The following PTPRB variants were observed in gnomAD, a reference collection of about 807,000 sequenced individuals.
The protein encoded by PTPRB is protein tyrosine phosphatase receptor type B.
PTPRB carries 97 observed loss-of-function variants against 238.1 expected under a neutral mutation model. That is an observed-to-expected ratio of 0.41 (90% confidence interval 0.35 to 0.48). The LOEUF is 0.48. Ranked by LOEUF, PTPRB falls within the 20% of genes least tolerant of loss-of-function variation. The pLI is 0.30. For missense variants in PTPRB, 2,292 were observed against 2,681.9 expected (o/e 0.85, Z 3.21); for synonymous variants, 970 against 995.4 (o/e 0.97, Z 0.48).
chr12:70,569,632 T>C (rs1413087025), intron 14 of PTPRB, 43 bp downstream of exon 14: 3 of 1,607,340 alleles, frequency 1.9e-6, no homozygotes, highest in Admixed American at 1.7e-5. Context: ...TGGAGAACCA[T>C]GAGGCATTCT....
Position 70,560,775 on chromosome 12 carries a change from G to A in PTPRB, c.4328C>T (p.Thr1443Met), listed in dbSNP as rs775652947. 2.2e-5 allele frequency: 36 copies of A among 1,613,794 alleles called. No homozygotes were observed. The highest frequency in any genetic ancestry group is 2.7e-5 in the African/African-American group (2 of 74,868). The change falls in exon 17 of 34, where the codon ACG becomes ATG. Residue 1443 changes from threonine (T) to methionine (M), a missense_variant. Transcript: ENST00000334414. The surrounding 1 kb of genome is among the most constrained non-coding windows in gnomAD (Gnocchi z 4.2). Reference sequence around the variant, plus strand: ...AACAAGGCCTTGAAACCGCCACTCCGTCAGGTCCTTGTCTTTCCAGTTTTC... The same window carrying A: ...AACAAGGCCTTGAAACCGCCACTCCATCAGGTCCTTGTCTTTCCAGTTTTC... ...KKENWKDKDL[T>M]EWRFQGLVPG...
intron 21 of PTPRB, among the ~76,000 whole-genome samples, chr12:70,550,900 T>C (rs12228642): frequency 6.6e-6 from 1 of 150,380 alleles, no homozygotes; most frequent in African/African-American, 2.4e-5. Flanking sequence ...TTTTTTTTTT[T>C]CTTTTTTATT....
intron 15 of PTPRB, 32 bp downstream of exon 15, chr12:70,566,403 T>C (rs776169723): frequency 2.5e-6 from 4 of 1,602,896 alleles, no homozygotes; most frequent in Admixed American, 1.7e-5. Flanking sequence ...ATTGGCAATA[T>C]GTGCTACAAA....
chr12:70,609,328 CG>C lies in PTPRB; in HGVS notation c.719del (p.Ala240GlyfsTer52). ...FSSTTEETGL[A>X]EPERCNFTLA... is the part of the protein sequence containing the mutation. ...GGGTGAAGTTACATCTCTCTGGCTC[CG>C]CCAGTCCAGTCTGCAAAGGAATCAG... is the stretch of plus-strand genomic sequence containing the variant. On this transcript the variant is annotated frameshift_variant, in exon 4 of 34. Transcript: ENST00000334414. LOFTEE classifies it high-confidence loss of function. 6.2e-7 allele frequency: 1 copy of C among 1,613,790 alleles called. No individual in the cohort carries two copies. The highest frequency in any genetic ancestry group is 1.1e-5 in the South Asian group (1 of 91,056).
intron 2 of PTPRB, among the ~76,000 whole-genome samples, chr12:70,632,427 G>A (rs897829204): frequency 3.3e-5 from 5 of 151,934 alleles, no homozygotes; most frequent in Non-Finnish European, 7.4e-5. Context: ...GGGTCCTGTC[G>A]GGGGGTGGGG....
In PTPRB at chr12:70,524,664, G is replaced by A. The variant is rs1217410903; in HGVS notation, c.6505-73C>T. 11 of 1,449,812 alleles carry A rather than the reference G, an allele frequency of 7.6e-6. No individual in the cohort carries two copies. In the East Asian group the frequency reaches 2.2e-4, roughly 29 times the overall value. 89.8% of individuals were successfully genotyped at this position (1,449,812 alleles called of 1,614,324 possible). A position where few individuals can be genotyped will look rare whatever the true frequency, so the allele number is the denominator to read the frequency against. On this transcript the variant is annotated intron_variant, in intron 32 of 33. Transcript: ENST00000334414. Reference sequence around the variant, plus strand: ...AAGAAAGATGAGAAACTCACAAACTGTTGACAATGATGGGATTATATAGTT... The same window carrying A: ...AAGAAAGATGAGAAACTCACAAACTATTGACAATGATGGGATTATATAGTT...
At chr12:70,626,302 T>TCTATCTAC in intron 2 of PTPRB, among the ~76,000 whole-genome samples, 1 of 68,088 alleles carries the variant, frequency 1.5e-5, no homozygotes, top group East Asian at 3.7e-4. Flanking sequence ...CATCCATCTA[T>TCTATCTAC]CTATCTATCT....
chr12:70,634,000 A>C (rs964917889), intron 2 of PTPRB, among the ~76,000 whole-genome samples: 4 of 152,200 alleles, frequency 2.6e-5, no homozygotes, highest in African/African-American at 9.6e-5. Context: ...AAGGTATTGT[A>C]CAAATTGGTG....
chr12:70,618,097 T>TTTTGTTTG (rs899640331), intron 3 of PTPRB, among the ~76,000 whole-genome samples: 1 of 152,150 alleles, frequency 6.6e-6, no homozygotes, highest in South Asian at 2.1e-4. Context: ...CTTGTTTGTT[T>TTTTGTTTG]TTTGTTTGTT....
chr12:70,578,489 C>T lies in PTPRB; in HGVS notation c.2579-1844G>A, dbSNP rs913342216. 5.9e-5 allele frequency among the ~76,000 whole-genome samples: 9 copies of T among 152,194 alleles called. 1 individual carries two copies. The highest frequency in any genetic ancestry group is 4.6e-4 in the Admixed American group (7 of 15,282). ...CTTCATATGTTTGAGTAAAATAACT[C>T]GTGCTCAATTTATTCATATTTGATT... On this transcript the variant is annotated intron_variant, in intron 10 of 33. Transcript: ENST00000334414.
At position 70,576,624 on chromosome 12, in the gene PTPRB, A is replaced by G; in HGVS notation, c.2600T>C (p.Val867Ala). The stretch of plus-strand genomic sequence containing the variant: ...ATTACGACCGGAATTGTTCACCGTT[A>G]CTCCACTCACACTGGAAGGGACTGT... ...GRTVPSSVSG[V>A]TVNNSGRNDY... Residue 867 changes from valine (V) to alanine (A), a missense_variant, in exon 11 of 34, where the codon GTA (valine) becomes GCA (alanine). Physicochemically the swap from Val to Ala is moderately conservative, Grantham distance 64 (BLOSUM62 0). Transcript: ENST00000334414. The G allele has an allele frequency of 1.5e-6, 2 of 1,292,020 alleles. No homozygotes were observed. The highest frequency in any genetic ancestry group is 2.0e-6 in the Non-Finnish European group (2 of 990,208). The allele number at this position is 1,292,020 out of a possible 1,614,324, so 80.0% of individuals were successfully genotyped here.
At position 70,594,505 on chromosome 12, in the gene PTPRB, G is replaced by A. The variant is rs768628127; in HGVS notation, c.1478C>T (p.Ala493Val). The change falls in exon 6 of 34, where the codon GCA (alanine) becomes GTA (valine). Residue 493 changes from alanine to valine, a missense_variant. Coordinates refer to ENST00000334414, the MANE Select transcript of PTPRB (RefSeq NM_001109754.4). ...TTTCCACCTGTAGTTTTGCAGCCCT[G>A]CAGCCTCAGTCATAACAGTGAGGTT... ...LYNLTVMTEA[A>V]GLQNYRWKLV... 7 of 1,613,876 alleles carry A rather than the reference G, an allele frequency of 4.3e-6. No homozygotes were observed. Among genetic ancestry groups the A allele is most frequent in the Non-Finnish European group, 5.1e-6 (6 of 1,179,890 alleles).
rs753164837 is a variant in PTPRB, at chr12:70,581,301, C to T, written c.2313G>A (p.Val771=). The T allele has an allele frequency of 1.2e-6, 2 of 1,607,860 alleles. No individual in the cohort carries two copies. Among genetic ancestry groups the T allele is most frequent in the East Asian group, 4.5e-5 (2 of 44,834 alleles). ...CATGCAAGTCAGTCACTTGGGCAGG[C>T]ACTAAAACAGTAGACAGAAGAAAAA... The part of the protein sequence containing the change: ...KNSSSVKGRT[V]PAQVTDLHVA... The change falls in exon 10 of 34, where the codon GTG becomes GTA. Residue 771 remains valine (V), a splice_region_variant and synonymous_variant. Coordinates refer to ENST00000334414, the MANE Select transcript of PTPRB (RefSeq NM_001109754.4).
chr12:70,587,960 G>A (rs1306577522), intron 8 of PTPRB, among the ~76,000 whole-genome samples: 2 of 151,544 alleles, frequency 1.3e-5, no homozygotes, highest in African/African-American at 2.4e-5. Context: ...AATTAGCCGG[G>A]CGTGGTGGCT....
Position 70,590,582 on chromosome 12 carries a change from A to G in PTPRB, c.1781-349T>C, listed in dbSNP as rs577342161. On this transcript the variant is annotated intron_variant, in intron 7 of 33. Coordinates refer to ENST00000334414, the MANE Select transcript of PTPRB (RefSeq NM_001109754.4). ...CTAAAAAGATTAATGTTCTTGCAAG[A>G]TTAAGTTCTTTTTTTTTTTTTTTTT... Among the ~76,000 whole-genome samples the G allele has an allele frequency of 8.1e-4, 112 of 138,986 alleles. 2 individuals are homozygous for G. In the South Asian group the frequency reaches 0.025, roughly 32 times the overall value. 91.2% of individuals were successfully genotyped at this position (138,986 alleles called of 152,430 possible).
intron 2 of PTPRB, among the ~76,000 whole-genome samples, chr12:70,626,122 A>C (rs948358624): frequency 1.3e-5 from 2 of 150,406 alleles, no homozygotes; most frequent in Non-Finnish European, 2.9e-5. Context: ...TTGAAAACAA[A>C]ATAACTTGAA....
At chr12:70,588,077 C>G (rs1592542617) in intron 8 of PTPRB, among the ~76,000 whole-genome samples, 1 of 101,788 alleles carries the variant, frequency 9.8e-6, no homozygotes, top group Admixed American at 1.4e-4. Context: ...GCCTAGGCAA[C>G]AGAGCAAGAC....
In PTPRB at chr12:70,540,039, A is replaced by G. The variant is rs762467723; in HGVS notation, c.5595-17T>C. The G allele has an allele frequency of 5.1e-6, 8 of 1,578,566 alleles. No homozygotes were observed. In the Admixed American group the frequency reaches 6.7e-5, roughly 13 times the overall value. Reference sequence around the variant, plus strand: ...CGACCATGGCTGAAACATAAGGGAGATAACTTTTATTCTGATTATGATACT... The same window carrying G: ...CGACCATGGCTGAAACATAAGGGAGGTAACTTTTATTCTGATTATGATACT... On this transcript the variant is annotated splice_polypyrimidine_tract_variant and intron_variant, in intron 23 of 33. Transcript: ENST00000334414.
chr12:70,569,305 T>C (rs556024388), intron 14 of PTPRB, among the ~76,000 whole-genome samples: 1 of 152,236 alleles, frequency 6.6e-6, no homozygotes, highest in Non-Finnish European at 1.5e-5. Flanking sequence ...GGTTTAGCTA[T>C]GTTGCCCAGG....
Sources: allele counts gnomAD v4.1 joint callset (sites outside exome capture counted in the v4.1 genomes callset), GRCh38; gene constraint gnomAD v4.1.1; non-coding constraint Gnocchi (gnomAD v3.1); transcripts MANE v1.5; gene names NCBI Gene and HGNC (gene_info 2026-07-23, HGNC 2026-07-21).